The following CYP4F11 variants were observed in gnomAD, a reference collection of about 807,000 sequenced individuals.
CYP4F11 encodes cytochrome P450 family 4 subfamily F member 11, also known as cytochrome P450 4F11.
CYP4F11 carries 79 observed loss-of-function variants against 62.2 expected under a neutral mutation model. That is an observed-to-expected ratio of 1.27 (90% CI 1.06 to 1.53). CYP4F11 has a LOEUF of 1.53. Ranked by LOEUF, CYP4F11 falls within the 40% of genes most tolerant of loss-of-function variation. CYP4F11 has a pLI of 0.00. For missense variants in CYP4F11, 777 were observed against 680.5 expected (o/e 1.14, Z -1.58); for synonymous variants, 290 against 263.7 (o/e 1.10, Z -0.97).
At chr19:15,920,635 G>A (rs1333154408) in intron 8 of CYP4F11, among the ~76,000 whole-genome samples, 1 of 152,242 alleles carries the variant, frequency 6.6e-6, no homozygotes, top group South Asian at 2.1e-4. Context: ...TCCATCCCCA[G>A]CTCCTGGCCT....
At chr19:15,921,498 G>A (rs556363507) in intron 8 of CYP4F11, among the ~76,000 whole-genome samples, 4 of 152,320 alleles carry the variant, frequency 2.6e-5, no homozygotes, top group African/African-American at 7.2e-5. Flanking sequence ...AAAACAGATC[G>A]CAGGGCTGGA....
chr19:15,923,792 C>A lies in CYP4F11; in HGVS notation c.918+20G>T. On this transcript the variant is annotated intron_variant, in intron 6 of 11. Transcript: ENST00000402119. The stretch of plus-strand genomic sequence containing the variant: ...AAATCTCCACTCTATTACTTGAATT[C>A]ACATCCCAGAGAAGCCTACCTTGCT... 6.2e-7 allele frequency: 1 copy of A among 1,602,726 alleles called. No homozygotes were observed.
chr19:15,914,813 G>T lies in CYP4F11; in HGVS notation c.1198C>A (p.Arg400=). ...AGCACAAAGTCCTGCGTGCAACATC[G>T]GGAGATGACCGGGACTGGGGGATGC... ...RLHPPVPVIS[R]CCTQDFVLPD... The change falls in exon 9 of 12, where the codon CGA becomes AGA. Residue 400 remains arginine, a synonymous_variant. Transcript: ENST00000402119. The T allele has an allele frequency of 3.1e-6, 5 of 1,614,154 alleles. No individual in the cohort carries two copies. The South Asian group carries it at 5.5e-5, about 18-fold the overall frequency.
At chr19:15,920,300 C>T (rs78212241) in intron 8 of CYP4F11, among the ~76,000 whole-genome samples, 1 of 152,220 alleles carries the variant, frequency 6.6e-6, no homozygotes, top group African/African-American at 2.4e-5. Flanking sequence ...AGTGGGCAGA[C>T]CTGTGTCTAT....
chr19:15,933,812 A>C (rs1277520791), intron 1 of CYP4F11, among the ~76,000 whole-genome samples: 1 of 43,180 alleles, frequency 2.3e-5, no homozygotes, highest in Non-Finnish European at 4.9e-5. Context: ...GAGGAGAAGA[A>C]TGAGTGAGTG....
chr19:15,915,828 A>G (rs961718611), intron 8 of CYP4F11, among the ~76,000 whole-genome samples: 5 of 151,862 alleles, frequency 3.3e-5, no homozygotes, highest in African/African-American at 1.2e-4. Context: ...ACATTGTCCT[A>G]TTATAAGACA....
chr19:15,929,741 C>A (rs564448920), intron 1 of CYP4F11, 140 bp from the exon 2 acceptor site: 1 of 987,306 alleles, frequency 1.0e-6, no homozygotes, highest in African/African-American at 1.6e-5. Context: ...ATGTGTCCAT[C>A]GGTGTATTTC....
intron 1 of CYP4F11, among the ~76,000 whole-genome samples, chr19:15,931,602 GAGGAGAGGAATGAGTGAGCGA>G (rs1427016816): frequency 7.3e-5 from 8 of 110,106 alleles, no homozygotes; most frequent in South Asian, 3.2e-4. Flanking sequence ...ATGAGTGAGT[GAGGAGAGGAATGAGTGAGCGA>G]GGAGAGGAAT....
chr19:15,913,536 T>A lies in CYP4F11; in HGVS notation c.*196A>T, dbSNP rs2089554279. ...TGGGAGAACCCACTAAGGGCCTAGATGCCCTGTGCTCAGCCAGAGAGGCCG... is the reference window on the plus strand; with the variant it reads ...TGGGAGAACCCACTAAGGGCCTAGAAGCCCTGTGCTCAGCCAGAGAGGCCG... On this transcript the variant is annotated 3_prime_UTR_variant, in exon 12 of 12. Transcript: ENST00000402119. 15 of 648,702 alleles carry A rather than the reference T, an allele frequency of 2.3e-5. No homozygotes were observed. The South Asian group carries it at 2.9e-4, about 12-fold the overall frequency. The allele number at this position is 648,702 out of a possible 1,614,324, so 40.2% of individuals were successfully genotyped here.
upstream of CYP4F11, chr19:15,934,633 C>T (rs866219480): frequency 1.1e-4 from 57 of 511,480 alleles, 1 homozygote; most frequent in Middle Eastern, 1.6e-3. Context: ...GAGAGAGAGG[C>T]TGATTAGAAT....
Position 15,914,831 on chromosome 19 carries a change from G to C in CYP4F11, c.1180C>G (p.Pro394Ala). Reference sequence around the variant, plus strand: ...CAACATCGGGAGATGACCGGGACTGGGGGATGCAACCGCAGGCTCTCCTTA... The same window carrying C: ...CAACATCGGGAGATGACCGGGACTGCGGGATGCAACCGCAGGCTCTCCTTA... ...CIKESLRLHPPVPVISRCCTQ... is the reference protein window; with the variant it reads ...CIKESLRLHPAVPVISRCCTQ... The change falls in exon 9 of 12, where the codon CCA (proline) becomes GCA (alanine). Residue 394 changes from proline to alanine, a missense_variant. Physicochemically the swap from Pro to Ala is conservative, Grantham distance 27. Coordinates refer to ENST00000402119, the MANE Select transcript of CYP4F11 (RefSeq NM_021187.4). 6.2e-7 allele frequency: 1 copy of C among 1,614,134 alleles called. No homozygotes were observed. The highest frequency in any genetic ancestry group is 8.5e-7 in the Non-Finnish European group (1 of 1,180,016).
chr19:15,929,322 G>A, intron 2 of CYP4F11, 135 bp downstream of exon 2: 1 of 1,189,414 alleles, frequency 8.4e-7, no homozygotes, highest in South Asian at 1.3e-5. Context: ...ATGAAGGAAA[G>A]AGGAACATGG....
chr19:15,923,913 C>T lies in CYP4F11; in HGVS notation c.817G>A (p.Glu273Lys), dbSNP rs2089649087. ...VHDFTDAVIQ[E>K]RRCTLPTQGI... Reference sequence around the variant, plus strand: ...TGAGTGGGGAGGGTGCAGCGCCGCTCCTGGATGACGGCATCTGTGAAGTCG... The same window carrying T: ...TGAGTGGGGAGGGTGCAGCGCCGCTTCTGGATGACGGCATCTGTGAAGTCG... Residue 273 changes from glutamate to lysine, a missense_variant, in exon 6 of 12, where the codon GAG (glutamate) becomes AAG (lysine). Coordinates refer to ENST00000402119, the MANE Select transcript of CYP4F11 (RefSeq NM_021187.4). The T allele has an allele frequency of 6.2e-7, 1 of 1,614,070 alleles. No homozygotes were observed. The highest frequency in any genetic ancestry group is 8.5e-7 in the Non-Finnish European group (1 of 1,180,048).
chr19:15,922,456 C>G, intron 6 of CYP4F11, 26 bp from the exon 7 acceptor site: 1 of 1,611,524 alleles, frequency 6.2e-7, no homozygotes, highest in Non-Finnish European at 8.5e-7. Flanking sequence ...GACAATATCC[C>G]TGCCCCAAAT....
At chr19:15,925,187 A>G (rs12975140) in intron 4 of CYP4F11, among the ~76,000 whole-genome samples, 58,490 of 151,928 alleles carry the variant, frequency 0.38, 12,594 homozygotes, top group Non-Finnish European at 0.48. Flanking sequence ...AACAGTTAGG[A>G]CAACATGCTT....
rs59091525 is a variant in CYP4F11, at chr19:15,912,680, A to AAAAAATATAT, written c.*1051_*1052insATATATTTTT. ...TCACCATCCTCAGGAAAAAAAAAAAAATATATATATATATATATGTGTGTG... is the reference window on the plus strand; with the variant it reads ...TCACCATCCTCAGGAAAAAAAAAAAAAAAAATATATATATATATATATATATATGTGTGTG... On this transcript the variant is annotated 3_prime_UTR_variant, in exon 12 of 12. Coordinates refer to ENST00000402119, the MANE Select transcript of CYP4F11 (RefSeq NM_021187.4). The AAAAAATATAT allele has an allele frequency of 3.0e-5, 2 of 66,174 alleles. No homozygotes were observed. The highest frequency in any genetic ancestry group is 2.8e-5 in the Non-Finnish European group (1 of 36,174). 4.1% of individuals were successfully genotyped at this position (66,174 alleles called of 1,614,324 possible). A position where few individuals can be genotyped will look rare whatever the true frequency, so the allele number is the denominator to read the frequency against.
chr19:15,924,869 C>T lies in CYP4F11; in HGVS notation c.539G>A (p.Arg180His), dbSNP rs61738939. The change falls in exon 5 of 12, where the codon CGC becomes CAC. Residue 180 changes from arginine to histidine, a missense_variant. Arg to His is a conservative substitution (Grantham distance 29, BLOSUM62 0). Transcript: ENST00000402119. The part of the protein sequence containing the change: ...SVNIMHDKWQ[R>H]LASEGSARLD... Reference sequence around the variant, plus strand: ...TCTGGCGCTGCCCTCTGAGGCCAGGCGCTGCCACTTGTCCTGGCCAGAGAA... The same window carrying T: ...TCTGGCGCTGCCCTCTGAGGCCAGGTGCTGCCACTTGTCCTGGCCAGAGAA... The T allele has an allele frequency of 1.3e-4, 205 of 1,611,324 alleles. No homozygotes were observed. The African/African-American group carries it at 2.1e-3, about 16-fold the overall frequency.
At chr19:15,929,681 C>T (rs954936622) in intron 1 of CYP4F11, 80 bp from the exon 2 acceptor site, 86 of 1,481,340 alleles carry the variant, frequency 5.8e-5, no homozygotes, top group East Asian at 3.2e-4. Context: ...TCCACGTGAC[C>T]GAGCCAAGAG....
chr19:15,924,057 T>G lies in CYP4F11; in HGVS notation c.673A>C (p.Ile225Leu). 1 of 1,614,062 alleles carries G rather than the reference T, an allele frequency of 6.2e-7. No homozygotes were observed. Among genetic ancestry groups the G allele is most frequent in the Non-Finnish European group, 8.5e-7 (1 of 1,179,938 alleles). The stretch of plus-strand genomic sequence containing the variant: ...TCTACAAAGGCACTGAGCTCCAAGA[T>G]GGCGGCAATATATTCACTGGGCTTC... ...QEKPSEYIAA[I>L]LELSAFVEKR... Residue 225 changes from isoleucine (I) to leucine (L), a missense_variant, in exon 6 of 12, where the codon ATC becomes CTC. Transcript: ENST00000402119.
Sources: allele counts gnomAD v4.1 joint callset (sites outside exome capture counted in the v4.1 genomes callset), GRCh38; gene constraint gnomAD v4.1.1; transcripts MANE v1.5; gene names NCBI Gene and HGNC (gene_info 2026-07-23, HGNC 2026-07-21).